Variants in RBBP8 observed in about 807,000 individuals in gnomAD.
RBBP8 encodes the protein DNA endonuclease RBBP8.
A neutral mutation model predicts 108.3 loss-of-function variants in RBBP8; 88 were observed. That is an observed-to-expected ratio of 0.81 (90% CI 0.68 to 0.97). The LOEUF (loss-of-function observed/expected upper bound fraction) is 0.97, where lower values mean the gene tolerates loss of function less well. Ranked by LOEUF, RBBP8 falls within the 50% of genes least tolerant of loss-of-function variation. The pLI is 0.00. For synonymous variants in RBBP8, 332 were observed against 348.2 expected (o/e 0.95, Z 0.52); for missense variants, 1,023 against 1,049.0 (o/e 0.98, Z 0.34).
chr18:22,981,932 C>T (rs987163199), intron 6 of RBBP8, among the ~76,000 whole-genome samples: 1 of 152,226 alleles, frequency 6.6e-6, no homozygotes, highest in African/African-American at 2.4e-5. Context: ...TACTGCATGC[C>T]TTTCCTCAGA....
chr18:23,019,566 G>A (rs944086067), intron 17 of RBBP8, among the ~76,000 whole-genome samples: 2 of 152,046 alleles, frequency 1.3e-5, no homozygotes, highest in Non-Finnish European at 2.9e-5. Flanking sequence ...TACAATATCT[G>A]CCCTCAATTC....
In RBBP8 at chr18:23,022,187, A is replaced by G; in HGVS notation, c.2513A>G (p.His838Arg). Reference sequence around the variant, plus strand: ...AAGAAATTGGCTTCCTGCTCAAGACACCGATTCCGCTACATTCCACCCAAC... The same window carrying G: ...AAGAAATTGGCTTCCTGCTCAAGACGCCGATTCCGCTACATTCCACCCAAC... ...REKKLASCSRHRFRYIPPNTP... is the reference protein window; with the variant it reads ...REKKLASCSRRRFRYIPPNTP... Residue 838 changes from histidine to arginine, a missense_variant, in exon 18 of 19, where the codon CAC becomes CGC. His to Arg is a conservative substitution (Grantham distance 29). Coordinates refer to ENST00000327155, the MANE Select transcript of RBBP8 (RefSeq NM_002894.3). The G allele has an allele frequency of 6.2e-7, 1 of 1,611,362 alleles. No homozygotes were observed. The highest frequency in any genetic ancestry group is 1.7e-5 in the Admixed American group (1 of 60,002).
At chr18:22,953,733 TA>T (rs199809993) in intron 4 of RBBP8, among the ~76,000 whole-genome samples, 2,317 of 148,598 alleles carry the variant, frequency 0.016, 24 homozygotes, top group Admixed American at 0.023. Context: ...GTAGTCTATA[TA>T]TTTTTTTTTT....
At chr18:22,970,139 T>C (rs988602114) in intron 5 of RBBP8, among the ~76,000 whole-genome samples, 5 of 152,214 alleles carry the variant, frequency 3.3e-5, no homozygotes, top group Admixed American at 6.5e-5. Context: ...CATCACTTCA[T>C]TTGTGTGAAT....
At chr18:22,985,744 T>G (rs1282484789) in intron 8 of RBBP8, among the ~76,000 whole-genome samples, 1 of 151,692 alleles carries the variant, frequency 6.6e-6, no homozygotes, top group Non-Finnish European at 1.5e-5. Flanking sequence ...TCAGGTAGAG[T>G]TTGGATTCAT....
chr18:22,916,879 T>C (rs1259411657), intron 2 of RBBP8: 1 of 152,200 alleles, frequency 6.6e-6, no homozygotes, highest in Non-Finnish European at 1.5e-5. Context: ...TTTTAGTCAT[T>C]CTTAAATGCT....
intron 8 of RBBP8, among the ~76,000 whole-genome samples, chr18:22,985,671 G>A (rs539022832): frequency 1.6e-4 from 25 of 152,186 alleles, no homozygotes; most frequent in East Asian, 1.9e-4. Flanking sequence ...AGGTTGGGGC[G>A]GGGGTGGTTA....
intron 16 of RBBP8, among the ~76,000 whole-genome samples, chr18:23,010,566 C>T (rs1369338745): frequency 6.6e-6 from 1 of 151,896 alleles, no homozygotes; most frequent in African/African-American, 2.4e-5. Flanking sequence ...CACTGCACTC[C>T]AGCCTGGGCC....
At chr18:22,935,667 A>G (rs1345211729) in intron 1 of RBBP8, among the ~76,000 whole-genome samples, 1 of 152,202 alleles carries the variant, frequency 6.6e-6, no homozygotes, top group Non-Finnish European at 1.5e-5. Flanking sequence ...AAGGAGCCAG[A>G]TGTGAGGTTT....
chr18:22,994,246 A>G (rs1335199078), intron 12 of RBBP8, among the ~76,000 whole-genome samples: 1 of 146,980 alleles, frequency 6.8e-6, no homozygotes, highest in Non-Finnish European at 1.5e-5. Flanking sequence ...GATGGTCTAG[A>G]TCTCCTGACA....
chr18:23,001,670 GT>G lies in RBBP8; in HGVS notation c.2231del (p.Phe744SerfsTer157). 1 of 1,614,100 alleles carries G rather than the reference GT, an allele frequency of 6.2e-7. No individual in the cohort carries two copies. Among genetic ancestry groups the G allele is most frequent in the Non-Finnish European group, 8.5e-7 (1 of 1,179,988 alleles). On this transcript the variant is annotated frameshift_variant, in exon 15 of 19. Coordinates refer to ENST00000327155, the MANE Select transcript of RBBP8 (RefSeq NM_002894.3). LOFTEE classifies it high-confidence loss of function. Reference sequence around the variant, plus strand: ...GAGTATGAATCCTGTTTGGCAGACAGTTTCTCCCAAGCAGCAGATGAAGAGG... The same window carrying G: ...GAGTATGAATCCTGTTTGGCAGACAGTTCTCCCAAGCAGCAGATGAAGAGG... ...HEEYESCLADSFSQAADEEEE... is the reference protein window; with the variant it reads ...HEEYESCLADXFSQAADEEEE...
At chr18:22,951,889 G>C (rs987018433) in intron 4 of RBBP8, among the ~76,000 whole-genome samples, 2 of 152,196 alleles carry the variant, frequency 1.3e-5, no homozygotes, top group African/African-American at 4.8e-5. Context: ...AGGTCTAGAA[G>C]GATCCTAAAC....
intron 16 of RBBP8, among the ~76,000 whole-genome samples, chr18:23,015,828 C>T (rs1234180724): frequency 1.3e-5 from 2 of 152,194 alleles, no homozygotes; most frequent in African/African-American, 4.8e-5. Context: ...TGTTTTTATG[C>T]CAGTACCATG....
At chr18:22,928,709 G>A (rs184841092), upstream of RBBP8, among the ~76,000 whole-genome samples, 12 of 150,198 alleles carry the variant, frequency 8.0e-5, no homozygotes, top group East Asian at 3.9e-4. Flanking sequence ...TCGCTTTGTC[G>A]CCCATGCTGG....
At chr18:23,006,259 C>A in intron 15 of RBBP8, 104 bp from the exon 16 acceptor site, 1 of 984,064 alleles carries the variant, frequency 1.0e-6, no homozygotes, top group South Asian at 1.4e-5. Context: ...GCATGAAACC[C>A]AATAAAAATG....
intron 6 of RBBP8, among the ~76,000 whole-genome samples, chr18:22,976,195 C>A (rs906673115): frequency 1.3e-5 from 2 of 152,030 alleles, no homozygotes; most frequent in Non-Finnish European, 2.9e-5. Flanking sequence ...TAATGGATAT[C>A]CAATAGAATT....
At chr18:22,988,966 T>C (rs932880184) in intron 8 of RBBP8, among the ~76,000 whole-genome samples, 30 of 152,244 alleles carry the variant, frequency 2.0e-4, no homozygotes, top group Admixed American at 4.6e-4. Flanking sequence ...AAAAATTATC[T>C]ACCTATTGCA....
rs575573093 is a variant in RBBP8, at chr18:22,947,819, G to A, written c.152+1333G>A. Among the ~76,000 whole-genome samples, 8 of 152,148 alleles carry A rather than the reference G, an allele frequency of 5.3e-5. No individual in the cohort carries two copies. The East Asian group carries it at 1.5e-3, about 29-fold the overall frequency. ...TCTGCAATTAGTAAATGCTCTTTAT[G>A]TTACCACTTTCTTGACCTGAATATT... is the stretch of plus-strand genomic sequence containing the variant. On this transcript the variant is annotated intron_variant, in intron 3 of 18. Coordinates refer to ENST00000327155, the MANE Select transcript of RBBP8 (RefSeq NM_002894.3).
chr18:23,016,819 T>C lies in RBBP8; in HGVS notation c.2358-9T>C. On this transcript the variant is annotated splice_polypyrimidine_tract_variant and intron_variant, in intron 16 of 18. Coordinates refer to ENST00000327155, the MANE Select transcript of RBBP8 (RefSeq NM_002894.3). ...TAAGCTTTGTTAATTTAATTCATTT[T>C]TCCCCCAGAGAGACTAGCTTGCAAA... 6.3e-7 allele frequency: 1 copy of C among 1,586,716 alleles called. No homozygotes were observed. Among genetic ancestry groups the C allele is most frequent in the Non-Finnish European group, 8.7e-7 (1 of 1,155,266 alleles).
Sources: allele counts gnomAD v4.1 joint callset (sites outside exome capture counted in the v4.1 genomes callset), GRCh38; gene constraint gnomAD v4.1.1; transcripts MANE v1.5; gene names NCBI Gene and HGNC (gene_info 2026-07-23, HGNC 2026-07-21).